Variants in LRMDA observed in about 807,000 individuals in gnomAD.
LRMDA encodes the protein leucine rich melanocyte differentiation associated.
In LRMDA, 18 loss-of-function variants were observed where a neutral mutation model predicts 29.8. The ratio of observed to expected loss-of-function variants is 0.60; its 90% CI spans 0.42 to 0.90. The LOEUF is 0.90. Ranked by LOEUF, LRMDA falls within the 40% of genes least tolerant of loss-of-function variation. LRMDA has a pLI of 0.00. For missense variants in LRMDA, 273 were observed against 273.9 expected (o/e 1.00, Z 0.02); for synonymous variants, 125 against 109.4 (o/e 1.14, Z -0.89).
intron 5 of LRMDA, among the ~76,000 whole-genome samples, chr10:76,061,483 A>G (rs532646510): frequency 2.0e-5 from 3 of 152,326 alleles, no homozygotes; most frequent in Admixed American, 6.5e-5. Context: ...AAGTTTACCT[A>G]TGTAACCAAC....
intron 2 of LRMDA, among the ~76,000 whole-genome samples, chr10:75,967,424 C>T (rs1403203769): frequency 1.3e-5 from 2 of 152,034 alleles, no homozygotes; most frequent in Non-Finnish European, 2.9e-5. Flanking sequence ...CAGGAGTTTC[C>T]AGGCTGTAAA....
In LRMDA at chr10:75,515,036, A is replaced by C. The variant is rs888049528; in HGVS notation, c.131+76542A>C. ...ATGTGGCATATCCATATAATGGAATATTATTCAGCCATAGAAAAGAATCAA... is the reference window on the plus strand; with the variant it reads ...ATGTGGCATATCCATATAATGGAATCTTATTCAGCCATAGAAAAGAATCAA... On this transcript the variant is annotated intron_variant, in intron 2 of 6. Coordinates refer to ENST00000611255, the MANE Select transcript of LRMDA (RefSeq NM_001305581.2). Among the ~76,000 whole-genome samples the C allele has an allele frequency of 4.4e-4, 67 of 152,368 alleles. 1 individual carries two copies. Among genetic ancestry groups the C allele is most frequent in the African/African-American group, 1.6e-3 (65 of 41,594 alleles).
At chr10:76,066,566 T>C (rs1006043328) in intron 5 of LRMDA, among the ~76,000 whole-genome samples, 10 of 152,238 alleles carry the variant, frequency 6.6e-5, no homozygotes, top group Non-Finnish European at 1.3e-4. Flanking sequence ...GCTTGTGCTC[T>C]TCCCACTGTA....
Position 76,363,202 on chromosome 10 carries a change from G to A in LRMDA, c.601+38717G>A, listed in dbSNP as rs1338007274. Among the ~76,000 whole-genome samples, 6 of 21,170 alleles carry A rather than the reference G, an allele frequency of 2.8e-4. 2 individuals are homozygous for A. In the South Asian group the frequency reaches 7.0e-3, roughly 25 times the overall value. 13.9% of individuals were successfully genotyped at this position (21,170 alleles called of 152,430 possible). On this transcript the variant is annotated intron_variant, in intron 6 of 6. Coordinates refer to ENST00000611255, the MANE Select transcript of LRMDA (RefSeq NM_001305581.2). ...GGAGGGAGGGAGGGAGGGAGGGAGG[G>A]AGGGAGGGAAGGAAGAGAAAGAAAG...
chr10:76,435,679 G>A (rs1842237748), intron 6 of LRMDA, among the ~76,000 whole-genome samples: 1 of 152,092 alleles, frequency 6.6e-6, no homozygotes, highest in Non-Finnish European at 1.5e-5. Flanking sequence ...TCTTATTCTT[G>A]GTGAATACTC....
chr10:76,311,847 A>C (rs1258172221), intron 5 of LRMDA, among the ~76,000 whole-genome samples: 1 of 152,206 alleles, frequency 6.6e-6, no homozygotes, highest in Non-Finnish European at 1.5e-5. Context: ...AACAGTTAGC[A>C]GGGCAAGATG....
intron 2 of LRMDA, among the ~76,000 whole-genome samples, chr10:75,603,715 C>T (rs1377758110): frequency 2.6e-5 from 4 of 152,168 alleles, no homozygotes; most frequent in African/African-American, 9.7e-5. Flanking sequence ...AGATAAAGCA[C>T]CTTAGATTAA....
At position 76,120,673 on chromosome 10, in the gene LRMDA, G is replaced by C. The variant is rs2132124068; in HGVS notation, c.516+61890G>C. 2.0e-5 allele frequency among the ~76,000 whole-genome samples: 3 copies of C among 152,276 alleles called. No homozygotes were observed. The South Asian group carries it at 6.2e-4, about 32-fold the overall frequency. Reference sequence around the variant, plus strand: ...GATGATAGAAAGACCAAAACAGTATGTGCTGATCCTCTTAGGTTGGTGCAG... The same window carrying C: ...GATGATAGAAAGACCAAAACAGTATCTGCTGATCCTCTTAGGTTGGTGCAG... On this transcript the variant is annotated intron_variant, in intron 5 of 6. Transcript: ENST00000611255.
intron 2 of LRMDA, among the ~76,000 whole-genome samples, chr10:75,826,378 A>G (rs1393873054): frequency 6.6e-6 from 1 of 152,190 alleles, no homozygotes; most frequent in Non-Finnish European, 1.5e-5. Context: ...GTGTGTGCAC[A>G]CACAAAGTTG....
chr10:75,773,418 T>C (rs1323370185), intron 2 of LRMDA, among the ~76,000 whole-genome samples: 4 of 152,094 alleles, frequency 2.6e-5, no homozygotes, highest in Admixed American at 6.5e-5. Flanking sequence ...TTGTGACTCA[T>C]GGTGGTGAAT....
At chr10:76,235,182 G>A (rs1469939824) in intron 5 of LRMDA, among the ~76,000 whole-genome samples, 2 of 152,028 alleles carry the variant, frequency 1.3e-5, no homozygotes, top group Admixed American at 1.3e-4. Context: ...GGGAAGCCTG[G>A]GGAGAGAGAG....
intron 2 of LRMDA, among the ~76,000 whole-genome samples, chr10:75,709,667 A>C (rs996568722): frequency 2.0e-5 from 3 of 152,070 alleles, no homozygotes; most frequent in Non-Finnish European, 4.4e-5. Flanking sequence ...CTGTGGCTGA[A>C]ATTCCAGCTC....
At chr10:76,517,779 G>A (rs1843076327) in intron 6 of LRMDA, among the ~76,000 whole-genome samples, 1 of 151,790 alleles carries the variant, frequency 6.6e-6, no homozygotes, top group Non-Finnish European at 1.5e-5. Context: ...ATCTAAGTCA[G>A]GAGGAAGTGA....
At chr10:76,189,288 C>T (rs968262177) in intron 5 of LRMDA, among the ~76,000 whole-genome samples, 39 of 152,038 alleles carry the variant, frequency 2.6e-4, no homozygotes, top group Admixed American at 1.6e-3. Context: ...ACGCTGGAGT[C>T]GGAAGTTTCA....
intron 2 of LRMDA, among the ~76,000 whole-genome samples, chr10:75,811,814 A>G (rs1418539048): frequency 5.9e-5 from 9 of 152,316 alleles, no homozygotes; most frequent in African/African-American, 2.2e-4. Flanking sequence ...TCATTCAGCA[A>G]AACGGAGCAC....
chr10:76,117,070 G>A (rs1293272818), intron 5 of LRMDA, among the ~76,000 whole-genome samples: 1 of 152,080 alleles, frequency 6.6e-6, no homozygotes, highest in Non-Finnish European at 1.5e-5. Context: ...TCTAATGCAG[G>A]AGTTTACAAA....
intron 2 of LRMDA, among the ~76,000 whole-genome samples, chr10:75,753,033 A>G (rs1480191250): frequency 6.6e-6 from 1 of 152,188 alleles, no homozygotes; most frequent in African/African-American, 2.4e-5. Context: ...AGATAGGAGA[A>G]GAGGGCACCA....
chr10:75,517,102 G>C (rs1845299091), intron 2 of LRMDA, among the ~76,000 whole-genome samples: 1 of 152,052 alleles, frequency 6.6e-6, no homozygotes, highest in Admixed American at 6.6e-5. Flanking sequence ...GGTTACTATA[G>C]CCTTGTAGTA....
intron 2 of LRMDA, among the ~76,000 whole-genome samples, chr10:75,789,783 C>A (rs945794683): frequency 6.6e-6 from 1 of 152,130 alleles, no homozygotes; most frequent in African/African-American, 2.4e-5. Flanking sequence ...CTTTGAATTT[C>A]AAACTGCTGT....
Sources: allele counts gnomAD v4.1 joint callset (sites outside exome capture counted in the v4.1 genomes callset), GRCh38; gene constraint gnomAD v4.1.1; transcripts MANE v1.5; gene names NCBI Gene and HGNC (gene_info 2026-07-23, HGNC 2026-07-21).